Variants in UBR1 observed in about 807,000 individuals in gnomAD.
UBR1 encodes the protein ubiquitin protein ligase E3 component n-recognin 1.
In UBR1, 102 loss-of-function variants were observed where a neutral mutation model predicts 242.1. The ratio of observed to expected loss-of-function variants is 0.42; its 90% CI spans 0.36 to 0.50. The LOEUF is 0.50. Ranked by LOEUF, UBR1 falls within the 20% of genes least tolerant of loss-of-function variation. UBR1 has a pLI of 0.01. For synonymous variants in UBR1, 675 were observed against 684.8 expected, an observed-to-expected ratio of 0.99 and a Z score of 0.22; for missense variants, 1,772 against 2,101.8, an observed-to-expected ratio of 0.84 and a Z score of 3.07.
chr15:42,950,435 A>G, intron 45 of UBR1, 72 bp from the exon 46 acceptor site: 1 of 1,357,378 alleles, frequency 7.4e-7, no homozygotes, highest in Non-Finnish European at 1.1e-6. Flanking sequence ...ATCAATGTTA[A>G]CCTAGAGAAA....
intron 1 of UBR1, among the ~76,000 whole-genome samples, chr15:43,105,311 C>G (rs945555028): frequency 6.6e-6 from 1 of 152,180 alleles, no homozygotes; most frequent in Non-Finnish European, 1.5e-5. Flanking sequence ...CCTTCCCATT[C>G]TTTCAAAATG....
chr15:43,014,045 C>G (rs183854977), intron 29 of UBR1, among the ~76,000 whole-genome samples: 1 of 152,264 alleles, frequency 6.6e-6, no homozygotes, highest in Non-Finnish European at 1.5e-5. Flanking sequence ...CCACGCCTGA[C>G]TGGTTTTCGT....
At chr15:42,982,459 G>C (rs1402781842) in intron 37 of UBR1, among the ~76,000 whole-genome samples, 1 of 152,200 alleles carries the variant, frequency 6.6e-6, no homozygotes, top group Non-Finnish European at 1.5e-5. Context: ...TTAAGTGTGT[G>C]ACTAGTGGAA....
Position 42,945,924 on chromosome 15 carries a change from C to T in UBR1, c.5109-454G>A, listed in dbSNP as rs141221615. Among the ~76,000 whole-genome samples the T allele has an allele frequency of 2.8e-3, 419 of 152,174 alleles. 3 individuals are homozygous for T. The highest frequency in any genetic ancestry group is 9.8e-3 in the African/African-American group (405 of 41,510). ...AGATATTTGGTTGTAACTGTCCTTA[C>T]GATACAAAAAACTGGCTGGTTATTA... On this transcript the variant is annotated intron_variant, in intron 46 of 46. Transcript: ENST00000290650.
At chr15:43,019,160 C>T (rs1442927707) in intron 27 of UBR1, among the ~76,000 whole-genome samples, 1 of 152,076 alleles carries the variant, frequency 6.6e-6, no homozygotes, top group Non-Finnish European at 1.5e-5. Flanking sequence ...CTCCCGGGTT[C>T]AAGCCATTCT....
chr15:42,981,602 G>A (rs1358285225), intron 37 of UBR1, among the ~76,000 whole-genome samples: 1 of 151,964 alleles, frequency 6.6e-6, no homozygotes, highest in Non-Finnish European at 1.5e-5. Context: ...CCATTCTCCT[G>A]CCTCAGCCTC....
chr15:43,075,361 A>T (rs1254902415), intron 3 of UBR1, among the ~76,000 whole-genome samples: 1 of 152,232 alleles, frequency 6.6e-6, no homozygotes, highest in African/African-American at 2.4e-5. Context: ...ATTTTTAAAT[A>T]ACAGTTGTTT....
chr15:43,062,334 T>A (rs1269562501), intron 6 of UBR1, among the ~76,000 whole-genome samples: 1 of 148,012 alleles, frequency 6.8e-6, no homozygotes, highest in Non-Finnish European at 1.5e-5. Flanking sequence ...TATATATGTG[T>A]ATATATATAT....
At chr15:43,071,430 T>C (rs1032001127) in intron 4 of UBR1, among the ~76,000 whole-genome samples, 3 of 152,114 alleles carry the variant, frequency 2.0e-5, no homozygotes, top group African/African-American at 7.2e-5. Flanking sequence ...AAGCAGAAGA[T>C]AGAAAGGTGG....
chr15:43,022,856 TTTTAA>T (rs1362840650), intron 25 of UBR1, 55 bp from the exon 26 acceptor site: 1 of 1,161,676 alleles, frequency 8.6e-7, no homozygotes, highest in African/African-American at 1.6e-5. Flanking sequence ...GTAAATATAT[TTTTAA>T]TTTAATTTTA....
At chr15:42,959,079 C>A (rs1030377772) in intron 43 of UBR1, among the ~76,000 whole-genome samples, 1 of 152,190 alleles carries the variant, frequency 6.6e-6, no homozygotes, top group Admixed American at 6.5e-5. Context: ...GATCCGCCCA[C>A]CTTGGCCTCC....
intron 1 of UBR1, among the ~76,000 whole-genome samples, chr15:43,094,240 G>A (rs542867225): frequency 1.3e-5 from 2 of 152,176 alleles, no homozygotes; most frequent in South Asian, 4.2e-4. Flanking sequence ...GACCAGCCTG[G>A]CCGACATGAT....
At chr15:42,995,848 G>A (rs1019027691) in intron 33 of UBR1, among the ~76,000 whole-genome samples, 1 of 152,164 alleles carries the variant, frequency 6.6e-6, no homozygotes, top group Non-Finnish European at 1.5e-5. Flanking sequence ...AAACTGACAG[G>A]ACGTTGCCAG....
intron 39 of UBR1, among the ~76,000 whole-genome samples, chr15:42,972,972 G>C (rs929080781): frequency 7.2e-5 from 11 of 152,306 alleles, no homozygotes; most frequent in South Asian, 4.1e-4. Context: ...AACAACAAAT[G>C]AGAGTTCCTG....
At chr15:43,005,989 C>A (rs1226378227) in intron 30 of UBR1, among the ~76,000 whole-genome samples, 1 of 149,418 alleles carries the variant, frequency 6.7e-6, no homozygotes, top group Non-Finnish European at 1.5e-5. Flanking sequence ...AAACCAGAGA[C>A]CCTTGTTCAC....
intron 4 of UBR1, 120 bp downstream of exon 4, chr15:43,074,859 C>G: frequency 1.2e-6 from 1 of 846,798 alleles, no homozygotes; most frequent in South Asian, 1.5e-5. Flanking sequence ...CTCCTTACAC[C>G]TAAATATGAG....
chr15:43,025,610 G>T lies in UBR1; in HGVS notation c.2536-181C>A. 6.8e-6 allele frequency: 4 copies of T among 587,256 alleles called. No individual in the cohort carries two copies. In the South Asian group the frequency reaches 8.0e-5, roughly 12 times the overall value. 36.4% of individuals were successfully genotyped at this position (587,256 alleles called of 1,614,324 possible). On this transcript the variant is annotated intron_variant, in intron 23 of 46. Transcript: ENST00000290650. ...TTCTAGAGAAACCTAATGCAAAATA[G>T]ATGAGGAATATCCCTGATCAAAAAC...
chr15:42,990,664 C>CTAATA (rs1279824766), intron 33 of UBR1, among the ~76,000 whole-genome samples: 4 of 152,202 alleles, frequency 2.6e-5, no homozygotes, highest in African/African-American at 9.7e-5. Flanking sequence ...TAGCCTGCAT[C>CTAATA]TTGCCTTTGC....
chr15:43,059,622 A>T, intron 8 of UBR1, 80 bp downstream of exon 8: 1 of 1,525,598 alleles, frequency 6.6e-7, no homozygotes, highest in Non-Finnish European at 8.9e-7. Flanking sequence ...TTTATTTCAT[A>T]CTCAATGACA....
Sources: gnomAD v4.1 joint callset for allele counts (sites outside exome capture counted in the v4.1 genomes callset) on GRCh38, gnomAD v4.1.1 for gene constraint, MANE v1.5 for transcripts, NCBI Gene and HGNC (gene_info 2026-07-23, HGNC 2026-07-21) for gene names.